Variants in DIMT1 observed in about 807,000 individuals in gnomAD.
DIMT1 encodes the protein DIM1 rRNA methyltransferase and ribosome maturation factor, also known as dimethyladenosine transferase.
Under a neutral mutation model 43.2 loss-of-function variants are expected in DIMT1, and 36 were observed. That is an observed-to-expected ratio of 0.83 (90% CI 0.64 to 1.10). DIMT1 has a LOEUF of 1.10. DIMT1 is among the 50% of genes least tolerant of loss of function. The pLI, the probability that DIMT1 is intolerant of heterozygous loss-of-function variation, is 0.00. For missense variants in DIMT1, 341 were observed against 385.3 expected (o/e 0.88, Z 0.96); for synonymous variants, 126 against 130.3 (o/e 0.97, Z 0.22).
In DIMT1 at chr5:62,398,764, A is replaced by G. The variant is rs78082102; in HGVS notation, c.303-25T>C. The G allele has an allele frequency of 2.2e-3, 3,579 of 1,614,038 alleles. 62 individuals carry two copies. The African/African-American group carries it at 0.041, about 19-fold the overall frequency. Reference sequence around the variant, plus strand: ...CCTGATGAGAAAAGAAGAAATGTAAAAAGAATGTTGTTTCATGAGATTGAA... The same window carrying G: ...CCTGATGAGAAAAGAAGAAATGTAAGAAGAATGTTGTTTCATGAGATTGAA... On this transcript the variant is annotated intron_variant, in intron 4 of 11. Transcript: ENST00000199320.
chr5:62,398,456 C>A, intron 6 of DIMT1, 55 bp downstream of exon 6: 1 of 1,580,084 alleles, frequency 6.3e-7, no homozygotes, highest in Admixed American at 1.7e-5. Context: ...ATGTTCACCA[C>A]CTGAACTGTA....
Position 62,398,864 on chromosome 5 carries a change from A to C in DIMT1, c.258T>G (p.Leu86=), listed in dbSNP as rs576043113. 23 of 1,612,954 alleles carry C rather than the reference A, an allele frequency of 1.4e-5. 1 individual carries two copies. The South Asian group carries it at 2.5e-4, about 18-fold the overall frequency. ...EKAKKVVACE[L]DPRLVAELHK... Reference sequence around the variant, plus strand: ...GAAGTTCAGCTACTAGCCTTGGGTCAAGTTCACAAGCAACAACCTAATTTA... The same window carrying C: ...GAAGTTCAGCTACTAGCCTTGGGTCCAGTTCACAAGCAACAACCTAATTTA... The change falls in exon 4 of 12, where the codon CTT becomes CTG. Residue 86 remains leucine, a synonymous_variant. Transcript: ENST00000199320.
intron 6 of DIMT1, among the ~76,000 whole-genome samples, chr5:62,396,139 G>GTTTTTTTT (rs758847833): frequency 2.1e-4 from 25 of 116,760 alleles, no homozygotes; most frequent in Middle Eastern, 4.7e-3. Flanking sequence ...GTCACTGCAG[G>GTTTTTTTT]TTTTTTTTTT....
In DIMT1 at chr5:62,398,829, A is replaced by C; in HGVS notation, c.293T>G (p.Val98Gly). The part of the protein sequence containing the change: ...PRLVAELHKR[V>G]QGTPVASKLQ... The stretch of plus-strand genomic sequence containing the variant: ...TATTATGTATACTCACGTGCCCTGA[A>C]CTCTTTTGTGAAGTTCAGCTACTAG... Residue 98 changes from valine to glycine, a missense_variant, in exon 4 of 12, where the codon GTT (valine) becomes GGT (glycine). Physicochemically the swap from Val to Gly is moderately radical, Grantham distance 109. Transcript: ENST00000199320. 6.2e-7 allele frequency: 1 copy of C among 1,613,974 alleles called. No homozygotes were observed. Among genetic ancestry groups the C allele is most frequent in the Non-Finnish European group, 8.5e-7 (1 of 1,179,930 alleles).
rs758696942 is a variant in DIMT1, at chr5:62,388,928, G to A, written c.*82C>T. 2 of 1,320,338 alleles carry A rather than the reference G, an allele frequency of 1.5e-6. No homozygotes were observed. Among genetic ancestry groups the A allele is most frequent in the Non-Finnish European group, 2.1e-6 (2 of 933,486 alleles). The allele number at this position is 1,320,338 out of a possible 1,614,324, so 81.8% of individuals were successfully genotyped here. ...GTCAAGTAAATAATGTCTCAGTAAA[G>A]CAAAAGCATTATCTTCTCAAATACA... is the stretch of plus-strand genomic sequence containing the variant. On this transcript the variant is annotated 3_prime_UTR_variant, in exon 12 of 12. Transcript: ENST00000199320.
intron 10 of DIMT1, chr5:62,391,955 G>A: frequency 1.3e-6 from 2 of 1,537,094 alleles, no homozygotes; most frequent in Non-Finnish European, 1.7e-6. Context: ...GGACAGGGTG[G>A]AGTAATCAAA....
rs1040249199 is a variant in DIMT1 at position 62,403,851 on chromosome 5, G to T, written c.-79C>A. 1.2e-5 allele frequency: 18 copies of T among 1,461,644 alleles called. No individual in the cohort carries two copies. Among genetic ancestry groups the T allele is most frequent in the African/African-American group, 7.1e-5 (5 of 70,878 alleles). The allele number at this position is 1,461,644 out of a possible 1,614,324, so 90.5% of individuals were successfully genotyped here. A position where few individuals can be genotyped will look rare whatever the true frequency, so the allele number is the denominator to read the frequency against. On this transcript the variant is annotated 5_prime_UTR_variant, in exon 1 of 12. Coordinates refer to ENST00000199320, the MANE Select transcript of DIMT1 (RefSeq NM_014473.4). Reference sequence around the variant, plus strand: ...CTAGCGTGAGAAAGCCACCACGTGGGGATCGCCGCCACGCGCCGCCCGCAC... The same window carrying T: ...CTAGCGTGAGAAAGCCACCACGTGGTGATCGCCGCCACGCGCCGCCCGCAC...
chr5:62,391,935 AGTAGTTAGAG>A, intron 10 of DIMT1: 1 of 1,535,832 alleles, frequency 6.5e-7, no homozygotes, highest in African/African-American at 1.4e-5. Context: ...AACAACTGTC[AGTAGTTAGAG>A]GACAGGGTGG....
chr5:62,403,881 C>A lies in DIMT1; in HGVS notation c.-109G>T. 8.3e-7 allele frequency: 1 copy of A among 1,200,902 alleles called. No individual in the cohort carries two copies. Among genetic ancestry groups the A allele is most frequent in the Non-Finnish European group, 1.2e-6 (1 of 861,988 alleles). 74.4% of individuals were successfully genotyped at this position (1,200,902 alleles called of 1,614,324 possible). A position where few individuals can be genotyped will look rare whatever the true frequency, so the allele number is the denominator to read the frequency against. On this transcript the variant is annotated 5_prime_UTR_variant, in exon 1 of 12. Transcript: ENST00000199320. ...GCCGCCACGCGCCGCCCGCACCACT[C>A]TGGCCCAAGCGCCGGAGGGGCAAGG... is the stretch of plus-strand genomic sequence containing the variant.
chr5:62,392,118 A>G (rs1742323629), intron 10 of DIMT1, 53 bp downstream of exon 10: 2 of 1,604,676 alleles, frequency 1.2e-6, no homozygotes, highest in Admixed American at 1.7e-5. Context: ...ATAAAAATGG[A>G]CATTTTAAAA....
intron 2 of DIMT1, 119 bp downstream of exon 2, chr5:62,403,154 C>A: frequency 2.3e-6 from 2 of 857,124 alleles, no homozygotes; most frequent in East Asian, 5.5e-5. Flanking sequence ...TTATTTGATT[C>A]ATTCAACAAA....
chr5:62,396,139 G>GTTTTTTTTGTTTTTTTTTTTTTTTTTT (rs1742480496), intron 6 of DIMT1, among the ~76,000 whole-genome samples: 1 of 116,746 alleles, frequency 8.6e-6, no homozygotes, highest in Non-Finnish European at 1.7e-5. Context: ...GTCACTGCAG[G>GTTTTTTTTGTTTTTTTTTTTTTTTTTT]TTTTTTTTTT....
At chr5:62,393,552 C>T (rs1742376827) in intron 8 of DIMT1, among the ~76,000 whole-genome samples, 1 of 152,180 alleles carries the variant, frequency 6.6e-6, no homozygotes, top group African/African-American at 2.4e-5. Context: ...ACAAACCACT[C>T]CATTTACCAC....
In DIMT1 at chr5:62,394,047, C is replaced by A; in HGVS notation, c.571G>T (p.Val191Leu). ...LLARVDHLMK[V>L]GKNNFRPPPK... ...GGTGGTCTGAAGTTATTCTTTCCCA[C>A]CTGTTAATGAAAAAGTATTTAAGTA... Residue 191 changes from valine to leucine, a missense_variant and splice_region_variant, in exon 8 of 12, where the codon GTG becomes TTG. By Grantham distance (32) the Val-to-Leu change is conservative (BLOSUM62 1). Transcript: ENST00000199320. 1 of 1,609,926 alleles carries A rather than the reference C, an allele frequency of 6.2e-7. No homozygotes were observed. Among genetic ancestry groups the A allele is most frequent in the Non-Finnish European group, 8.5e-7 (1 of 1,179,026 alleles).
chr5:62,388,315 T>C lies in DIMT1; in HGVS notation c.*695A>G, dbSNP rs1456370463. On this transcript the variant is annotated 3_prime_UTR_variant, in exon 12 of 12. Coordinates refer to ENST00000199320, the MANE Select transcript of DIMT1 (RefSeq NM_014473.4). ...GAACCATAAAAAAAGATAATTTTATTGTTAATTTCATTCCAGTTTAGCTTC... is the reference window on the plus strand; with the variant it reads ...GAACCATAAAAAAAGATAATTTTATCGTTAATTTCATTCCAGTTTAGCTTC... 1 of 152,248 alleles carries C rather than the reference T, an allele frequency of 6.6e-6. No individual in the cohort carries two copies. The highest frequency in any genetic ancestry group is 2.4e-5 in the African/African-American group (1 of 41,472). 9.4% of individuals were successfully genotyped at this position (152,248 alleles called of 1,614,324 possible). A position where few individuals can be genotyped will look rare whatever the true frequency, so the allele number is the denominator to read the frequency against.
In DIMT1 at chr5:62,403,362, A is replaced by G. The variant is rs1256192024; in HGVS notation, c.80-16T>C. 5 of 1,610,874 alleles carry G rather than the reference A, an allele frequency of 3.1e-6. No individual in the cohort carries two copies. Among genetic ancestry groups the G allele is most frequent in the Non-Finnish European group, 3.4e-6 (4 of 1,177,128 alleles). ...AACATGAGTCCTGTAAGAAAATACG[A>G]AACAGCATTAATTTTCCTACTGAGA... is the stretch of plus-strand genomic sequence containing the variant. On this transcript the variant is annotated splice_polypyrimidine_tract_variant and intron_variant, in intron 1 of 11. Coordinates refer to ENST00000199320, the MANE Select transcript of DIMT1 (RefSeq NM_014473.4).
rs76189338 is a variant in DIMT1 at position 62,396,775 on chromosome 5, A to C, written c.446+1736T>G. ...GCAAAATGCCCTGAGCATTCAAAAA[A>C]AAACTGTTGCTATGACCTTTGCTCT... On this transcript the variant is annotated intron_variant, in intron 6 of 11. Transcript: ENST00000199320. Among the ~76,000 whole-genome samples the C allele has an allele frequency of 2.3e-3, 343 of 152,328 alleles. 1 individual carries two copies. Among genetic ancestry groups the C allele is most frequent in the African/African-American group, 7.6e-3 (317 of 41,574 alleles).
At position 62,388,774 on chromosome 5, in the gene DIMT1, G is replaced by A; in HGVS notation, c.*236C>T. On this transcript the variant is annotated 3_prime_UTR_variant, in exon 12 of 12. Transcript: ENST00000199320. ...AAAGTTGTGCGTCTCTGCGGCTCCT[G>A]AACTTGAAGATTATTATGAATAGAT... The A allele has an allele frequency of 3.7e-6, 2 of 535,848 alleles. No individual in the cohort carries two copies. Among genetic ancestry groups the A allele is most frequent in the Non-Finnish European group, 6.7e-6 (2 of 299,296 alleles). The allele number at this position is 535,848 out of a possible 1,614,324, so 33.2% of individuals were successfully genotyped here. A position where few individuals can be genotyped will look rare whatever the true frequency, so the allele number is the denominator to read the frequency against.
At chr5:62,393,918 T>G in intron 8 of DIMT1, 37 bp downstream of exon 8, 4 of 1,572,864 alleles carry the variant, frequency 2.5e-6, no homozygotes, top group Non-Finnish European at 3.4e-6. Flanking sequence ...CTGGACTTTT[T>G]TTTCCTTTAT....
Sources: gnomAD v4.1 joint callset for allele counts (sites outside exome capture counted in the v4.1 genomes callset) on GRCh38, gnomAD v4.1.1 for gene constraint, MANE v1.5 for transcripts, NCBI Gene and HGNC (gene_info 2026-07-23, HGNC 2026-07-21) for gene names.